CDHR1: variants seen among roughly 807,000 people sequenced by gnomAD.
CDHR1 encodes cadherin-related family member 1.
In CDHR1, 61 loss-of-function variants were observed where a neutral mutation model predicts 72.1. The observed-to-expected ratio is 0.85, with a 90% CI of 0.69 to 1.05. CDHR1 has a LOEUF of 1.05. Among genes scored for constraint, CDHR1 ranks in the 50% least tolerant of loss-of-function variants. The pLI is 0.00. For missense variants in CDHR1, 1,186 were observed against 1,115.7 expected (o/e 1.06, Z -0.90); for synonymous variants, 470 against 448.1 (o/e 1.05, Z -0.62).
chr10:84,208,102 A>T, intron 10 of CDHR1, 72 bp from the exon 11 acceptor site: 1 of 1,321,964 alleles, frequency 7.6e-7, no homozygotes, highest in Non-Finnish European at 1.1e-6. Flanking sequence ...TACATTCTGC[A>T]GGGGAGGTAG....
intron 15 of CDHR1, among the ~76,000 whole-genome samples, chr10:84,212,685 G>T (rs1299066736): frequency 6.6e-6 from 1 of 152,196 alleles, no homozygotes; most frequent in Non-Finnish European, 1.5e-5. Context: ...CAAAAGAGTG[G>T]TTTTCTCACC....
At chr10:84,203,269 T>A (rs1182267697) in intron 8 of CDHR1, 146 bp downstream of exon 8, 23 of 1,048,816 alleles carry the variant, frequency 2.2e-5, no homozygotes, top group Non-Finnish European at 3.1e-5. Flanking sequence ...TCACCCAGCC[T>A]CAGGCCATGA....
intron 10 of CDHR1, 51 bp from the exon 11 acceptor site, chr10:84,208,123 A>G (rs1371815914): frequency 2.0e-6 from 3 of 1,484,574 alleles, no homozygotes; most frequent in Non-Finnish European, 1.9e-6. Flanking sequence ...GAGCTGGACC[A>G]TATGAAGGGT....
In CDHR1 at chr10:84,217,054, C is replaced by T. The variant is rs963273810; in HGVS notation, c.*2433C>T. The T allele has an allele frequency of 1.3e-5, 13 of 985,524 alleles. No homozygotes were observed. The Admixed American group carries it at 1.8e-4, about 14-fold the overall frequency. 61.0% of individuals were successfully genotyped at this position (985,524 alleles called of 1,614,324 possible). A position where few individuals can be genotyped will look rare whatever the true frequency, so the allele number is the denominator to read the frequency against. ...AACTGGCCATGGATGGGGAAGTGCC[C>T]GGTAGCCAGCATGAGCCACACTAGG... On this transcript the variant is annotated 3_prime_UTR_variant, in exon 17 of 17. Coordinates refer to ENST00000623527, the MANE Select transcript of CDHR1 (RefSeq NM_033100.4).
Position 84,217,680 on chromosome 10 carries a change from G to A in CDHR1, c.*3059G>A, listed in dbSNP as rs1253072399. On this transcript the variant is annotated 3_prime_UTR_variant, in exon 17 of 17. Coordinates refer to ENST00000623527, the MANE Select transcript of CDHR1 (RefSeq NM_033100.4). ...CATACTAGAACACCATGTCCTGAAA[G>A]AGAGGACCCCCTCCATGCATCCTCA... 1.0e-6 allele frequency: 1 copy of A among 985,370 alleles called. No individual in the cohort carries two copies. The highest frequency in any genetic ancestry group is 1.2e-6 in the Non-Finnish European group (1 of 829,996). 61.0% of individuals were successfully genotyped at this position (985,370 alleles called of 1,614,324 possible). A position where few individuals can be genotyped will look rare whatever the true frequency, so the allele number is the denominator to read the frequency against.
At chr10:84,202,329 C>T (rs1842142620) in intron 7 of CDHR1, among the ~76,000 whole-genome samples, 2 of 152,210 alleles carry the variant, frequency 1.3e-5, no homozygotes, top group Non-Finnish European at 2.9e-5. Flanking sequence ...CCCTGAAGCT[C>T]AACTAAGTTC....
In CDHR1 at chr10:84,217,792, T is replaced by C. The variant is rs1589312735; in HGVS notation, c.*3171T>C. On this transcript the variant is annotated 3_prime_UTR_variant, in exon 17 of 17. Coordinates refer to ENST00000623527, the MANE Select transcript of CDHR1 (RefSeq NM_033100.4). The stretch of plus-strand genomic sequence containing the variant: ...AGAAGAGAGTGGATCCAGAGGGGAG[T>C]GGAGGACAGGGCAGATGCCACAGCA... 11 of 984,736 alleles carry C rather than the reference T, an allele frequency of 1.1e-5. 4 individuals carry two copies. The Admixed American group carries it at 6.2e-4, about 55-fold the overall frequency. 61.0% of individuals were successfully genotyped at this position (984,736 alleles called of 1,614,324 possible).
chr10:84,200,749 C>T, intron 6 of CDHR1, 62 bp downstream of exon 6: 1 of 1,168,088 alleles, frequency 8.6e-7, no homozygotes, highest in Non-Finnish European at 1.3e-6. Flanking sequence ...TAGATGGCCC[C>T]TACCTCCATC....
chr10:84,194,540 A>G lies in CDHR1; in HGVS notation c.-221A>G. On this transcript the variant is annotated 5_prime_UTR_variant, in exon 1 of 17. Transcript: ENST00000623527. ...GCCTGTCGCTCCGCTCTGCGCCGCT[A>G]ATTGGTCTCGTCAGGCGGCCGGCAG... 1 of 439,776 alleles carries G rather than the reference A, an allele frequency of 2.3e-6. No homozygotes were observed. The highest frequency in any genetic ancestry group is 4.0e-6 in the Non-Finnish European group (1 of 251,788). 27.2% of individuals were successfully genotyped at this position (439,776 alleles called of 1,614,324 possible).
In CDHR1 at chr10:84,194,660, C is replaced by T. The variant is rs1424971686; in HGVS notation, c.-101C>T. 1 of 852,244 alleles carries T rather than the reference C, an allele frequency of 1.2e-6. No individual in the cohort carries two copies. The highest frequency in any genetic ancestry group is 3.6e-5 in the East Asian group (1 of 27,806). 52.8% of individuals were successfully genotyped at this position (852,244 alleles called of 1,614,324 possible). On this transcript the variant is annotated 5_prime_UTR_variant, in exon 1 of 17. Coordinates refer to ENST00000623527, the MANE Select transcript of CDHR1 (RefSeq NM_033100.4). ...CCCGCCGCGGCTGCAGTCGCCGCTA[C>T]CCCCATTGTGGTCTCTGCCCTCCCC...
At position 84,208,859 on chromosome 10, in the gene CDHR1, A is replaced by G; in HGVS notation, c.1298A>G (p.Lys433Arg). Reference protein sequence around the residue: ...VENSAAIDFEKSKVLTFKLLA... With the variant: ...VENSAAIDFERSKVLTFKLLA... ...AACTCAGCTGCCATTGACTTTGAAA[A>G]GTCCAAAGTATTAACCTTCAAGGTA... The change falls in exon 12 of 17, where the codon AAG becomes AGG. Residue 433 changes from lysine (K) to arginine (R), a missense_variant. Transcript: ENST00000623527. 1 of 1,614,110 alleles carries G rather than the reference A, an allele frequency of 6.2e-7. No individual in the cohort carries two copies. Among genetic ancestry groups the G allele is most frequent in the South Asian group, 1.1e-5 (1 of 91,062 alleles).
intron 4 of CDHR1, among the ~76,000 whole-genome samples, chr10:84,198,316 G>C (rs1041643936): frequency 4.6e-5 from 7 of 152,328 alleles, no homozygotes; most frequent in African/African-American, 1.7e-4. Flanking sequence ...TCTGAGGCTG[G>C]GAAAGCACTA....
In CDHR1 at chr10:84,213,290, G is replaced by C. The variant is rs150840551; in HGVS notation, c.1982G>C (p.Arg661Pro). The C allele has an allele frequency of 9.3e-6, 15 of 1,614,194 alleles. No individual in the cohort carries two copies. The highest frequency in any genetic ancestry group is 1.3e-5 in the Non-Finnish European group (15 of 1,180,040). ...TCCCTAGAGGTGCAGGCCAAGGACC[G>C]GGGCTCCCCATCCTTCAGCACCACA... The part of the protein sequence containing the change: ...LWSLEVQAKD[R>P]GSPSFSTTAL... The change falls in exon 16 of 17, where the codon CGG (arginine) becomes CCG (proline). Residue 661 changes from arginine to proline, a missense_variant. By Grantham distance (103) the Arg-to-Pro change is moderately radical (BLOSUM62 -2). Coordinates refer to ENST00000623527, the MANE Select transcript of CDHR1 (RefSeq NM_033100.4).
rs201515900 is a variant in CDHR1, at chr10:84,214,514, C to T, written c.2473C>T (p.Pro825Ser). The T allele has an allele frequency of 5.0e-6, 8 of 1,604,248 alleles. No homozygotes were observed. The highest frequency in any genetic ancestry group is 4.0e-5 in the African/African-American group (3 of 74,890). Reference protein sequence around the residue: ...SGSLTPQPTQPPPKPKTMGSP... With the variant: ...SGSLTPQPTQSPPKPKTMGSP... ...CTCTCTCACTCCGCAGCCGACCCAA[C>T]CCCCGCCAAAACCCAAAACTATGGG... The change falls in exon 17 of 17, where the codon CCC becomes TCC. Residue 825 changes from proline to serine, a missense_variant. Pro to Ser is a moderately conservative substitution (Grantham distance 74). Coordinates refer to ENST00000623527, the MANE Select transcript of CDHR1 (RefSeq NM_033100.4).
intron 12 of CDHR1, among the ~76,000 whole-genome samples, chr10:84,209,232 C>A (rs1230237215): frequency 6.6e-6 from 1 of 152,020 alleles, no homozygotes; most frequent in Non-Finnish European, 1.5e-5. Context: ...ACAATCTTAG[C>A]TGAAGAGGAA....
chr10:84,208,453 A>C, intron 11 of CDHR1, 76 bp downstream of exon 11: 1 of 1,472,360 alleles, frequency 6.8e-7, no homozygotes. Flanking sequence ...GTGGGTCTGC[A>C]TCAACCTGCT....
Position 84,216,067 on chromosome 10 carries a change from T to G in CDHR1, c.*1446T>G. ...CCCAGGACAGAAGTCATACAAGGCCTCTGGGGTTAATACAAATAGGTTGTG... is the reference window on the plus strand; with the variant it reads ...CCCAGGACAGAAGTCATACAAGGCCGCTGGGGTTAATACAAATAGGTTGTG... On this transcript the variant is annotated 3_prime_UTR_variant, in exon 17 of 17. Transcript: ENST00000623527. 2.0e-6 allele frequency: 2 copies of G among 985,452 alleles called. No individual in the cohort carries two copies. Among genetic ancestry groups the G allele is most frequent in the Non-Finnish European group, 2.4e-6 (2 of 829,946 alleles). The allele number at this position is 985,452 out of a possible 1,614,324, so 61.0% of individuals were successfully genotyped here.
chr10:84,214,710 A>C lies in CDHR1; in HGVS notation c.*89A>C. On this transcript the variant is annotated 3_prime_UTR_variant, in exon 17 of 17. Transcript: ENST00000623527. ...TATGCTCCCCTTCCTCTGCTCCTTA[A>C]GGTCACTGACCCCTGTTTTGCACAA... 1 of 1,589,248 alleles carries C rather than the reference A, an allele frequency of 6.3e-7. No homozygotes were observed.
At chr10:84,204,671 A>G (rs1238622747) in intron 9 of CDHR1, 66 bp downstream of exon 9, 1 of 1,065,576 alleles carries the variant, frequency 9.4e-7, no homozygotes, top group South Asian at 1.3e-5. Context: ...AGGTTCCTCA[A>G]CCTCTCTAGA....
Sources: gnomAD v4.1 joint callset for allele counts (sites outside exome capture counted in the v4.1 genomes callset) on GRCh38, gnomAD v4.1.1 for gene constraint, MANE v1.5 for transcripts, NCBI Gene and HGNC (gene_info 2026-07-23, HGNC 2026-07-21) for gene names.